Variants in FHIT observed in about 807,000 individuals in gnomAD.
FHIT encodes fragile histidine triad diadenosine triphosphatase.
Under a neutral mutation model 17.9 loss-of-function variants are expected in FHIT, and 19 were observed. The ratio of observed to expected loss-of-function variants is 1.06; its 90% CI spans 0.74 to 1.56. FHIT has a LOEUF of 1.56. Ranked by LOEUF, FHIT falls within the 40% of genes most tolerant of loss-of-function variation. The probability of loss-of-function intolerance (pLI) is 0.00; values close to 1 mark genes in which losing one functional copy is unlikely to be tolerated. For synonymous variants in FHIT, 81 were observed against 69.7 expected, an observed-to-expected ratio of 1.16 and a Z score of -0.81; for missense variants, 248 against 189.2, an observed-to-expected ratio of 1.31 and a Z score of -1.82.
intron 4 of FHIT, among the ~76,000 whole-genome samples, chr3:60,695,482 T>A (rs1265442044): frequency 1.3e-5 from 2 of 152,168 alleles, no homozygotes; most frequent in African/African-American, 4.8e-5. Flanking sequence ...GGCTCCAAAG[T>A]CAAACTGTGA....
chr3:60,921,185 T>C (rs1707261239), intron 3 of FHIT, among the ~76,000 whole-genome samples: 1 of 152,170 alleles, frequency 6.6e-6, no homozygotes, highest in Non-Finnish European at 1.5e-5. Flanking sequence ...GACCAGGCAG[T>C]GTCTTTGCTA....
Position 61,037,147 on chromosome 3 carries a change from G to A in FHIT, c.-111+4900C>T, listed in dbSNP as rs529963579. 3.5e-3 allele frequency among the ~76,000 whole-genome samples: 536 copies of A among 152,146 alleles called. 2 individuals are homozygous for A. The highest frequency in any genetic ancestry group is 3.2e-3 in the Non-Finnish European group (219 of 67,986). On this transcript the variant is annotated intron_variant, in intron 3 of 9. Coordinates refer to ENST00000492590, the MANE Select transcript of FHIT (RefSeq NM_002012.4). Reference sequence around the variant, plus strand: ...AGGATGGTCTCGATCTCCTGACCTCGTGATCCATCCGTCTCGGTCTCCCAA... The same window carrying A: ...AGGATGGTCTCGATCTCCTGACCTCATGATCCATCCGTCTCGGTCTCCCAA...
In FHIT at chr3:60,243,860, C is replaced by G. The variant is rs531527021; in HGVS notation, c.104-229708G>C. On this transcript the variant is annotated intron_variant, in intron 5 of 9. Coordinates refer to ENST00000492590, the MANE Select transcript of FHIT (RefSeq NM_002012.4). ...GAATCAATGAAAGGTCAACACAGAA[C>G]AGACAGAAAGTACCAGATGTGCTCT... Among the ~76,000 whole-genome samples the G allele has an allele frequency of 7.2e-5, 11 of 152,180 alleles. No homozygotes were observed. In the East Asian group the frequency reaches 2.1e-3, roughly 29 times the overall value.
chr3:60,049,837 G>A (rs939025731), intron 5 of FHIT, among the ~76,000 whole-genome samples: 46 of 152,134 alleles, frequency 3.0e-4, no homozygotes, highest in African/African-American at 9.2e-4. Context: ...TCTATAATAA[G>A]CATAAATAAT....
intron 3 of FHIT, among the ~76,000 whole-genome samples, chr3:61,015,756 G>T (rs1320021964): frequency 1.3e-5 from 2 of 151,984 alleles, no homozygotes; most frequent in Non-Finnish European, 2.9e-5. Context: ...GCAATTACAG[G>T]CCTCTGAGTT....
At chr3:60,712,843 C>A (rs1195541740) in intron 4 of FHIT, among the ~76,000 whole-genome samples, 9 of 144,672 alleles carry the variant, frequency 6.2e-5, no homozygotes, top group African/African-American at 2.0e-4. Flanking sequence ...CTTTAACACC[C>A]CACTGTCAAC....
At chr3:59,869,496 T>TTTTTTTTTTTTTTTG in intron 8 of FHIT, among the ~76,000 whole-genome samples, 1 of 142,286 alleles carries the variant, frequency 7.0e-6, no homozygotes, top group East Asian at 2.1e-4. Context: ...TTTTTTTTTT[T>TTTTTTTTTTTTTTTG]TTTTAGACAG....
Position 61,139,931 on chromosome 3 carries a change from G to A in FHIT, c.-164+60686C>T, listed in dbSNP as rs80280633. Among the ~76,000 whole-genome samples, 212 of 150,428 alleles carry A rather than the reference G, an allele frequency of 1.4e-3. 3 individuals carry two copies. The East Asian group carries it at 0.033, about 23-fold the overall frequency. On this transcript the variant is annotated intron_variant, in intron 2 of 9. Coordinates refer to ENST00000492590, the MANE Select transcript of FHIT (RefSeq NM_002012.4). ...AAAAAAAGATTCAAAAACTGGCAAC[G>A]TTCACTCACAGATCAAAGACAACCT...
rs147892145 is a variant in FHIT, at chr3:60,614,809, GTT to G, written c.-17-77832_-17-77831del. Among the ~76,000 whole-genome samples, 4 of 78,240 alleles carry G rather than the reference GTT, an allele frequency of 5.1e-5. 1 individual carries two copies. The highest frequency in any genetic ancestry group is 6.4e-4 in the East Asian group (1 of 1,558). The allele number at this position is 78,240 out of a possible 152,430, so 51.3% of individuals were successfully genotyped here. A position where few individuals can be genotyped will look rare whatever the true frequency, so the allele number is the denominator to read the frequency against. ...CGATTTGTAAAAAATTGCAAAAGTT[GTT>G]TTTTTTTTGTTTTTTTTTTGTTTTT... On this transcript the variant is annotated intron_variant, in intron 4 of 9. Transcript: ENST00000492590.
intron 7 of FHIT, among the ~76,000 whole-genome samples, chr3:59,942,564 A>G (rs962450656): frequency 9.2e-5 from 14 of 152,196 alleles, no homozygotes; most frequent in African/African-American, 3.4e-4. Context: ...CCTCACTTGG[A>G]TATTCCTCCA....
chr3:60,955,606 A>ACATATGTATATATG (rs1559862189), intron 3 of FHIT, among the ~76,000 whole-genome samples: 140 of 7,062 alleles, frequency 0.02, 2 homozygotes, highest in Non-Finnish European at 0.055. Context: ...ACATATATAT[A>ACATATGTATATATG]TATATATATA....
At chr3:60,438,839 T>TA (rs2107320873) in intron 5 of FHIT, among the ~76,000 whole-genome samples, 1 of 152,236 alleles carries the variant, frequency 6.6e-6, no homozygotes, top group South Asian at 2.1e-4. Context: ...CAAAATTGCC[T>TA]AGACTACCTT....
intron 8 of FHIT, among the ~76,000 whole-genome samples, chr3:59,798,372 C>T (rs950989711): frequency 6.6e-6 from 1 of 152,136 alleles, no homozygotes; most frequent in South Asian, 2.1e-4. Flanking sequence ...AGCAAGATAG[C>T]AGGAGGAAAG....
At chr3:60,866,830 C>G (rs1553753959) in intron 3 of FHIT, among the ~76,000 whole-genome samples, 1 of 152,146 alleles carries the variant, frequency 6.6e-6, no homozygotes, top group African/African-American at 2.4e-5. Context: ...CACACAAGCA[C>G]CAAGTCATCC....
intron 4 of FHIT, among the ~76,000 whole-genome samples, chr3:60,795,843 T>G (rs192545448): frequency 6.6e-6 from 1 of 152,302 alleles, no homozygotes; most frequent in African/African-American, 2.4e-5. Flanking sequence ...TTGTACTCCC[T>G]AACTTTTTGA....
At chr3:60,594,672 G>C (rs2038201643) in intron 4 of FHIT, among the ~76,000 whole-genome samples, 1 of 151,944 alleles carries the variant, frequency 6.6e-6, no homozygotes, top group Non-Finnish European at 1.5e-5. Context: ...ACTTCCTTTT[G>C]AGTCTTCACC....
chr3:61,024,732 G>T (rs2032643185), intron 3 of FHIT, among the ~76,000 whole-genome samples: 1 of 152,134 alleles, frequency 6.6e-6, no homozygotes, highest in Non-Finnish European at 1.5e-5. Context: ...CGCATTTTAT[G>T]ATTTTAAAGT....
At chr3:60,131,669 T>A (rs1699602828) in intron 5 of FHIT, among the ~76,000 whole-genome samples, 1 of 152,108 alleles carries the variant, frequency 6.6e-6, no homozygotes, top group Admixed American at 6.5e-5. Context: ...TTGATTTCTC[T>A]TTCAATCCTG....
intron 5 of FHIT, among the ~76,000 whole-genome samples, chr3:60,240,526 C>A (rs17062584): frequency 6.6e-6 from 1 of 152,002 alleles, no homozygotes. Context: ...TCACACATAA[C>A]GAGAAAAAAC....
Sources: gnomAD v4.1 joint callset for allele counts (sites outside exome capture counted in the v4.1 genomes callset) on GRCh38, gnomAD v4.1.1 for gene constraint, MANE v1.5 for transcripts, NCBI Gene and HGNC (gene_info 2026-07-23, HGNC 2026-07-21) for gene names.